KCTD16: variants seen among roughly 807,000 people sequenced by gnomAD.
The protein encoded by KCTD16 is BTB/POZ domain-containing protein KCTD16.
A neutral mutation model predicts 33.2 loss-of-function variants in KCTD16; 13 were observed. That is an observed-to-expected ratio of 0.39 (90% CI 0.25 to 0.62). KCTD16 has a LOEUF of 0.62. Ranked by LOEUF, KCTD16 falls within the 20% of genes least tolerant of loss-of-function variation. The pLI, the probability that KCTD16 is intolerant of heterozygous loss-of-function variation, is 0.50. For missense variants in KCTD16, 441 were observed against 525.1 expected (o/e 0.84, Z 1.57); for synonymous variants, 197 against 195.3 (o/e 1.01, Z -0.07).
At chr5:144,310,694 G>T (rs1751742258) in intron 3 of KCTD16, among the ~76,000 whole-genome samples, 1 of 151,916 alleles carries the variant, frequency 6.6e-6, no homozygotes, top group Admixed American at 6.6e-5. Flanking sequence ...AACATACAGA[G>T]CTGTTCTATA....
At chr5:144,190,618 T>A (rs1320326289) in intron 2 of KCTD16, among the ~76,000 whole-genome samples, 1 of 152,212 alleles carries the variant, frequency 6.6e-6, no homozygotes, top group African/African-American at 2.4e-5. Flanking sequence ...AAGCCTTTTT[T>A]AGCTTAAACT....
chr5:144,390,392 G>C (rs1431122652), intron 3 of KCTD16, among the ~76,000 whole-genome samples: 1 of 152,174 alleles, frequency 6.6e-6, no homozygotes. Flanking sequence ...AAAGATGAGA[G>C]TCTAGCTCAC....
chr5:144,325,934 G>T (rs1752195092), intron 3 of KCTD16, among the ~76,000 whole-genome samples: 1 of 152,082 alleles, frequency 6.6e-6, no homozygotes, highest in South Asian at 2.1e-4. Context: ...TAGGGGCTCT[G>T]CAATATGTAA....
chr5:144,437,388 A>G (rs1420618956), intron 3 of KCTD16, among the ~76,000 whole-genome samples: 1 of 152,130 alleles, frequency 6.6e-6, no homozygotes, highest in Non-Finnish European at 1.5e-5. Flanking sequence ...TGGATTCAGG[A>G]TCCAAAAGCC....
intron 3 of KCTD16, among the ~76,000 whole-genome samples, chr5:144,408,897 G>A (rs554100307): frequency 6.6e-6 from 1 of 151,952 alleles, no homozygotes; most frequent in South Asian, 2.1e-4. Context: ...TTAACTTCAG[G>A]TCAAATGCCA....
At chr5:144,321,296 C>T (rs17101780) in intron 3 of KCTD16, among the ~76,000 whole-genome samples, 12,608 of 152,172 alleles carry the variant, frequency 0.083, 1,252 homozygotes, top group African/African-American at 0.23. Flanking sequence ...TCACCTGCTT[C>T]GAAATCACCT....
chr5:144,324,740 C>T (rs2126886913), intron 3 of KCTD16, among the ~76,000 whole-genome samples: 1 of 152,310 alleles, frequency 6.6e-6, no homozygotes, highest in South Asian at 2.1e-4. Context: ...GAATACTATG[C>T]AGCCATAAAA....
chr5:144,262,639 C>T (rs1176465838), intron 3 of KCTD16, among the ~76,000 whole-genome samples: 1 of 152,224 alleles, frequency 6.6e-6, no homozygotes, highest in Admixed American at 6.5e-5. Context: ...TCTTTGAACT[C>T]ATGAACACAA....
intron 3 of KCTD16, among the ~76,000 whole-genome samples, chr5:144,471,822 T>C (rs1194805458): frequency 7.2e-5 from 11 of 152,240 alleles, no homozygotes. Flanking sequence ...ATTTAATGGC[T>C]CTATAAATAC....
At chr5:144,293,326 G>C (rs1755946709) in intron 3 of KCTD16, among the ~76,000 whole-genome samples, 1 of 152,100 alleles carries the variant, frequency 6.6e-6, no homozygotes, top group Non-Finnish European at 1.5e-5. Flanking sequence ...TCCCTAATTT[G>C]TTCCTGTTGT....
intron 3 of KCTD16, among the ~76,000 whole-genome samples, chr5:144,457,444 T>A (rs1469038482): frequency 1.3e-5 from 2 of 152,154 alleles, no homozygotes; most frequent in Admixed American, 1.3e-4. Context: ...TGACTCTTCA[T>A]TGACAGGTTG....
intron 3 of KCTD16, among the ~76,000 whole-genome samples, chr5:144,467,706 T>C (rs530388778): frequency 6.7e-6 from 1 of 148,430 alleles, no homozygotes; most frequent in African/African-American, 2.6e-5. Context: ...AGGTGATTTT[T>C]TGTTTGTTTG....
chr5:144,219,704 G>T (rs1753680620), intron 3 of KCTD16, among the ~76,000 whole-genome samples: 1 of 151,714 alleles, frequency 6.6e-6, no homozygotes, highest in Non-Finnish European at 1.5e-5. Context: ...ATTTTTAGTA[G>T]AGATGGGGTT....
chr5:144,245,644 T>G (rs1422710), intron 3 of KCTD16, among the ~76,000 whole-genome samples: 32,726 of 152,092 alleles, frequency 0.22, 4,349 homozygotes, highest in Non-Finnish European at 0.3. Flanking sequence ...GGGAGGTGAT[T>G]GGATCATGGA....
intron 3 of KCTD16, among the ~76,000 whole-genome samples, chr5:144,351,621 T>TG (rs1267470167): frequency 6.6e-6 from 1 of 152,200 alleles, no homozygotes; most frequent in Non-Finnish European, 1.5e-5. Flanking sequence ...ATTGTAGCAC[T>TG]ATTCACAATA....
rs560711475 is a variant in KCTD16 at position 144,388,245 on chromosome 5, A to ATT, written c.833-85407_833-85406dup. 1.8e-4 allele frequency among the ~76,000 whole-genome samples: 27 copies of ATT among 149,160 alleles called. No homozygotes were observed. The East Asian group carries it at 4.0e-3, about 22-fold the overall frequency. ...CAGGCGCCCGCCACCACGCCCAGCT[A>ATT]TTTTTTTTTGTATTTTTAGTAGAGA... On this transcript the variant is annotated intron_variant, in intron 3 of 3. Coordinates refer to ENST00000512467, the MANE Select transcript of KCTD16 (RefSeq NM_020768.4).
intron 3 of KCTD16, among the ~76,000 whole-genome samples, chr5:144,366,815 A>T (rs958422981): frequency 6.6e-6 from 1 of 152,186 alleles, no homozygotes; most frequent in Non-Finnish European, 1.5e-5. Context: ...TGATAGGGCC[A>T]CTCAGATGGA....
intron 2 of KCTD16, among the ~76,000 whole-genome samples, chr5:144,194,992 G>A (rs184567597): frequency 6.6e-6 from 1 of 152,128 alleles, no homozygotes; most frequent in Non-Finnish European, 1.5e-5. Flanking sequence ...CTGATCAAAA[G>A]TAACTTGTTC....
At chr5:144,272,648 A>T (rs1260647425) in intron 3 of KCTD16, among the ~76,000 whole-genome samples, 1 of 152,216 alleles carries the variant, frequency 6.6e-6, no homozygotes, top group East Asian at 1.9e-4. Flanking sequence ...TCAGAATGAA[A>T]ATCTTCAGAT....
Sources: allele counts gnomAD v4.1 joint callset (sites outside exome capture counted in the v4.1 genomes callset), GRCh38; gene constraint gnomAD v4.1.1; transcripts MANE v1.5; gene names NCBI Gene and HGNC (gene_info 2026-07-23, HGNC 2026-07-21).